The following ATP2A3 variants were observed in gnomAD, a reference collection of about 807,000 sequenced individuals.
ATP2A3 encodes the protein sarcoplasmic/endoplasmic reticulum calcium ATPase 3.
In ATP2A3, 61 loss-of-function variants were observed where a neutral mutation model predicts 106.8. That is an observed-to-expected ratio of 0.57 (90% CI 0.46 to 0.71). The LOEUF is 0.71. ATP2A3 is among the 30% of genes least tolerant of loss of function. The pLI, the probability that ATP2A3 is intolerant of heterozygous loss-of-function variation, is 0.00. For missense variants in ATP2A3, 1,201 were observed against 1,423.5 expected (o/e 0.84, Z 2.52); for synonymous variants, 611 against 609.3 (o/e 1.00, Z -0.04).
In ATP2A3 at chr17:3,925,896, C is replaced by T. The variant is rs2052682940; in HGVS notation, c.2981-455G>A. 1.3e-5 allele frequency among the ~76,000 whole-genome samples: 2 copies of T among 151,148 alleles called. No homozygotes were observed. Among genetic ancestry groups the T allele is most frequent in the African/African-American group, 2.4e-5 (1 of 41,022 alleles). ...GCCCTGCCCCCAGCCCCAGTCTTACCGTCCCATCATACTTCTGCCCCTAGC... is the reference window on the plus strand; with the variant it reads ...GCCCTGCCCCCAGCCCCAGTCTTACTGTCCCATCATACTTCTGCCCCTAGC... On this transcript the variant is annotated intron_variant, in intron 20 of 20. Transcript: ENST00000397041. This position sits in a 1 kb window ranked among gnomAD's most constrained non-coding sequence, Gnocchi z 4.2.
At chr17:3,957,069 A>G (rs2054824030) in intron 1 of ATP2A3, among the ~76,000 whole-genome samples, 1 of 152,254 alleles carries the variant, frequency 6.6e-6, no homozygotes, top group Non-Finnish European at 1.5e-5. Context: ...ATCACCAGAG[A>G]ACAAATGGGA....
intron 16 of ATP2A3, 61 bp from the exon 17 acceptor site, chr17:3,935,338 C>T (rs1323853175): frequency 1.2e-5 from 18 of 1,501,626 alleles, no homozygotes; most frequent in Non-Finnish European, 1.7e-5. Flanking sequence ...CGTCTGTTTC[C>T]CCTGCCTAAT....
In ATP2A3 at chr17:3,935,221, C is replaced by T. The variant is rs765065974; in HGVS notation, c.2581G>A (p.Glu861Lys). The T allele has an allele frequency of 1.9e-6, 3 of 1,613,872 alleles. No individual in the cohort carries two copies. The highest frequency in any genetic ancestry group is 2.2e-5 in the South Asian group (2 of 91,084). ...AATWWFVYDAEGPHINFYQLR... is the reference protein window; with the variant it reads ...AATWWFVYDAKGPHINFYQLR... ...TGGTAGAAGTTGATGTGAGGTCCCTCGGCGTCATACACAAACCACCAGGTG... is the reference window on the plus strand; with the variant it reads ...TGGTAGAAGTTGATGTGAGGTCCCTTGGCGTCATACACAAACCACCAGGTG... The change falls in exon 17 of 21, where the codon GAG becomes AAG. Residue 861 changes from glutamate (E) to lysine (K), a missense_variant. Physicochemically the swap from Glu to Lys is moderately conservative, Grantham distance 56. Around this residue, in one of 2 missense-constraint regions of ATP2A3, gnomAD observed 935 missense variants for 1,176.7 expected, o/e 0.79. Coordinates refer to ENST00000397041, the MANE Select transcript of ATP2A3 (RefSeq NM_005173.4).
intron 12 of ATP2A3, 95 bp from the exon 13 acceptor site, chr17:3,941,749 G>T: frequency 1.5e-6 from 2 of 1,334,730 alleles, no homozygotes; most frequent in Non-Finnish European, 2.1e-6. Flanking sequence ...TAAGATACGG[G>T]CAAAGGCCAC....
intron 16 of ATP2A3, among the ~76,000 whole-genome samples, chr17:3,935,942 T>C (rs1294055471): frequency 2.0e-5 from 3 of 152,176 alleles, no homozygotes; most frequent in Non-Finnish European, 4.4e-5. Flanking sequence ...GAGATTCTTA[T>C]CATACTACCG....
At position 3,955,327 on chromosome 17, in the gene ATP2A3, G is replaced by A. The variant is rs2054711901; in HGVS notation, c.119-1617C>T. Reference sequence around the variant, plus strand: ...CACCTGTTTGGAAGCTTTGGGGTCTGCACCTGGCAGCTGAACCCTGGGGAG... The same window carrying A: ...CACCTGTTTGGAAGCTTTGGGGTCTACACCTGGCAGCTGAACCCTGGGGAG... On this transcript the variant is annotated intron_variant, in intron 1 of 20. Coordinates refer to ENST00000397041, the MANE Select transcript of ATP2A3 (RefSeq NM_005173.4). The surrounding 1 kb of genome is among the most constrained non-coding windows in gnomAD (Gnocchi z 4.2). 6.6e-6 allele frequency among the ~76,000 whole-genome samples: 1 copy of A among 152,166 alleles called. No individual in the cohort carries two copies. The highest frequency in any genetic ancestry group is 1.5e-5 in the Non-Finnish European group (1 of 68,040).
At chr17:3,927,937 T>C (rs750237708) in intron 20 of ATP2A3, 6 of 1,611,546 alleles carry the variant, frequency 3.7e-6, no homozygotes, top group South Asian at 1.1e-5. Flanking sequence ...AGTCCAGCCA[T>C]ACGGCCACCG....
chr17:3,944,666 T>A (rs763157612), intron 10 of ATP2A3, 38 bp downstream of exon 10: 1 of 1,598,452 alleles, frequency 6.3e-7, no homozygotes, highest in Admixed American at 1.7e-5. Context: ...CCTGGTCGCC[T>A]GGATACTAGG....
At chr17:3,940,042 TG>T (rs1485471171) in intron 14 of ATP2A3, among the ~76,000 whole-genome samples, 23,564 of 127,352 alleles carry the variant, frequency 0.19, 3,746 homozygotes, top group African/African-American at 0.3. Context: ...TTTTTTTTTT[TG>T]TTTTTTGTTT....
Position 3,936,439 on chromosome 17 carries a change from G to C in ATP2A3, c.2352C>G (p.Pro784=). ...GCAGCTGCACAGGGATCAGGGCTTC[G>C]GGCAGGCCCAGAATTGCCGTGAGGA... ...CIFLTAILGL[P]EALIPVQLLW... The change falls in exon 16 of 21, where the codon CCC becomes CCG. Residue 784 remains proline, a synonymous_variant. Coordinates refer to ENST00000397041, the MANE Select transcript of ATP2A3 (RefSeq NM_005173.4). This position sits in a 1 kb window ranked among gnomAD's most constrained non-coding sequence, Gnocchi z 5.4. The C allele has an allele frequency of 6.2e-7, 1 of 1,614,046 alleles. No individual in the cohort carries two copies. Among genetic ancestry groups the C allele is most frequent in the East Asian group, 2.2e-5 (1 of 44,870 alleles).
At chr17:3,932,377 CAA>C (rs1376955394) in intron 17 of ATP2A3, among the ~76,000 whole-genome samples, 3 of 152,012 alleles carry the variant, frequency 2.0e-5, no homozygotes, top group Non-Finnish European at 2.9e-5. Context: ...CTCCTGACCT[CAA>C]GTGATCCACC....
intron 1 of ATP2A3, among the ~76,000 whole-genome samples, chr17:3,956,656 C>T (rs1192525246): frequency 6.6e-6 from 1 of 152,212 alleles, no homozygotes; most frequent in Non-Finnish European, 1.5e-5. Flanking sequence ...CGACCTGGGT[C>T]ACAGAATGAG....
chr17:3,942,151 C>G (rs2053820854), intron 12 of ATP2A3, among the ~76,000 whole-genome samples: 1 of 152,126 alleles, frequency 6.6e-6, no homozygotes, highest in Non-Finnish European at 1.5e-5. Flanking sequence ...TCAGGTCTCA[C>G]CTCAGACCTC....
intron 4 of ATP2A3, 37 bp downstream of exon 4, chr17:3,951,544 C>CT (rs770654879): frequency 7.6e-7 from 1 of 1,317,052 alleles, no homozygotes; most frequent in Non-Finnish European, 1.0e-6. Flanking sequence ...GGCTGGGAGA[C>CT]CGCCCCCCGC....
chr17:3,951,470 TG>T, intron 4 of ATP2A3, 81 bp from the exon 5 acceptor site: 1 of 1,605,580 alleles, frequency 6.2e-7, no homozygotes, highest in South Asian at 1.1e-5. Context: ...CTCTGGGGCC[TG>T]GGATGGAGGT....
chr17:3,959,557 C>G (rs560396944), intron 1 of ATP2A3, among the ~76,000 whole-genome samples: 15 of 152,384 alleles, frequency 9.8e-5, no homozygotes, highest in East Asian at 3.9e-4. Flanking sequence ...CCTCATCCCC[C>G]CTCTACTCCT....
chr17:3,934,966 C>T (rs1193227042), intron 17 of ATP2A3: 2 of 573,946 alleles, frequency 3.5e-6, no homozygotes, highest in Non-Finnish European at 6.3e-6. Flanking sequence ...TTGGTCCCCG[C>T]TAACTGACTG....
At position 3,927,189 on chromosome 17, in the gene ATP2A3, C is replaced by T. The variant is rs1408963287; in HGVS notation, c.2980+1474G>A. The T allele has an allele frequency of 7.1e-6, 7 of 985,326 alleles. No homozygotes were observed. In the African/African-American group the frequency reaches 8.7e-5, roughly 12 times the overall value. The allele number at this position is 985,326 out of a possible 1,614,324, so 61.0% of individuals were successfully genotyped here. On this transcript the variant is annotated intron_variant, in intron 20 of 20. Coordinates refer to ENST00000397041, the MANE Select transcript of ATP2A3 (RefSeq NM_005173.4). ...CCAGCCCTCCTAGCCTGTCCCCTCC[C>T]GCTAGGACCCTCCCGCTCTTTAGGC...
Position 3,955,569 on chromosome 17 carries a change from C to T in ATP2A3, c.119-1859G>A, listed in dbSNP as rs2054725542. Among the ~76,000 whole-genome samples, 1 of 152,170 alleles carries T rather than the reference C, an allele frequency of 6.6e-6. No individual in the cohort carries two copies. On this transcript the variant is annotated intron_variant, in intron 1 of 20. Coordinates refer to ENST00000397041, the MANE Select transcript of ATP2A3 (RefSeq NM_005173.4). This position sits in a 1 kb window ranked among gnomAD's most constrained non-coding sequence, Gnocchi z 4.2. ...CGAACAGGAAAGGCGGGGGGAGGGCCAGGACTGGTTTCTGGGCCAATTCTC... is the reference window on the plus strand; with the variant it reads ...CGAACAGGAAAGGCGGGGGGAGGGCTAGGACTGGTTTCTGGGCCAATTCTC...
Sources: gnomAD v4.1 joint callset for allele counts (sites outside exome capture counted in the v4.1 genomes callset) on GRCh38, gnomAD v4.1.1 for gene constraint, gnomAD v4.1.1 regional missense constraint, Gnocchi (gnomAD v3.1) non-coding constraint, MANE v1.5 for transcripts, NCBI Gene and HGNC (gene_info 2026-07-23, HGNC 2026-07-21) for gene names.